CHST11: variants seen among roughly 807,000 people sequenced by gnomAD.
CHST11 encodes C4S-1.
A neutral mutation model predicts 30.4 loss-of-function variants in CHST11; 9 were observed. That is an observed-to-expected ratio of 0.30 (90% CI 0.18 to 0.52). CHST11 has a LOEUF of 0.52. Among genes scored for constraint, CHST11 ranks in the 20% least tolerant of loss-of-function variants. The pLI is 0.97. For missense variants in CHST11, 348 were observed against 460.6 expected, an observed-to-expected ratio of 0.76 and a Z score of 2.24; for synonymous variants, 152 against 187.8, an observed-to-expected ratio of 0.81 and a Z score of 1.56.
intron 2 of CHST11, among the ~76,000 whole-genome samples, chr12:104,697,203 T>C (rs1460698262): frequency 1.3e-5 from 2 of 152,236 alleles, no homozygotes; most frequent in Non-Finnish European, 2.9e-5. Flanking sequence ...CTGCTTCGTG[T>C]TGACATATTG....
chr12:104,742,722 C>T (rs898193775), intron 2 of CHST11, among the ~76,000 whole-genome samples: 5 of 152,180 alleles, frequency 3.3e-5, no homozygotes, highest in Admixed American at 6.5e-5. Flanking sequence ...AAGGGAGCCC[C>T]GGGGGTACCA....
chr12:104,457,435 G>C lies in CHST11; in HGVS notation c.24G>C (p.Val8=), dbSNP rs1479673745. 1 of 1,613,962 alleles carries C rather than the reference G, an allele frequency of 6.2e-7. No homozygotes were observed. Among genetic ancestry groups the C allele is most frequent in the Non-Finnish European group, 8.5e-7 (1 of 1,179,910 alleles). The change falls in exon 1 of 3, where the codon GTG becomes GTC. Residue 8 remains valine (V), a synonymous_variant. Coordinates refer to ENST00000303694, the MANE Select transcript of CHST11 (RefSeq NM_018413.6). ...CCATGAAGCCAGCGCTGCTGGAAGTGATGAGGATGAACAGAATCTGCCGGA... is the reference window on the plus strand; with the variant it reads ...CCATGAAGCCAGCGCTGCTGGAAGTCATGAGGATGAACAGAATCTGCCGGA... MKPALLE[V]MRMNRICRMV...
At chr12:104,474,252 A>G (rs1363842988) in intron 1 of CHST11, among the ~76,000 whole-genome samples, 1 of 152,188 alleles carries the variant, frequency 6.6e-6, no homozygotes, top group African/African-American at 2.4e-5. Flanking sequence ...TTTCTGTATA[A>G]TTTTGCTATT....
chr12:104,548,421 A>G (rs745674982), intron 1 of CHST11, among the ~76,000 whole-genome samples: 1 of 152,176 alleles, frequency 6.6e-6, no homozygotes, highest in Non-Finnish European at 1.5e-5. Flanking sequence ...AGTGTTGGGA[A>G]GAGATGGTCA....
At chr12:104,573,534 A>G (rs910814683) in intron 1 of CHST11, among the ~76,000 whole-genome samples, 13 of 152,184 alleles carry the variant, frequency 8.5e-5, no homozygotes, top group Admixed American at 2.0e-4. Context: ...GGAACAGAAC[A>G]GAGCCCTCAG....
intron 1 of CHST11, among the ~76,000 whole-genome samples, chr12:104,508,211 C>T (rs2037926024): frequency 6.6e-6 from 1 of 151,590 alleles, no homozygotes; most frequent in Non-Finnish European, 1.5e-5. Context: ...TACCCCTTGG[C>T]TTACCCATCT....
chr12:104,465,427 T>C (rs2037447835), intron 1 of CHST11, among the ~76,000 whole-genome samples: 1 of 152,196 alleles, frequency 6.6e-6, no homozygotes, highest in African/African-American at 2.4e-5. Flanking sequence ...GAAATAGACA[T>C]AAACATTGCC....
At chr12:104,492,909 T>C (rs544740099) in intron 1 of CHST11, among the ~76,000 whole-genome samples, 1 of 152,222 alleles carries the variant, frequency 6.6e-6, no homozygotes, top group Non-Finnish European at 1.5e-5. Flanking sequence ...GGTGTCCACC[T>C]GTAATCCTAG....
chr12:104,752,526 TTATTTATTTATG>T (rs996728237), intron 2 of CHST11, among the ~76,000 whole-genome samples: 2 of 150,316 alleles, frequency 1.3e-5, no homozygotes, highest in Admixed American at 6.6e-5. Context: ...ATTTATTTAT[TTATTTATTTATG>T]TATTTTTGAG....
Position 104,622,076 on chromosome 12 carries a change from C to T in CHST11, c.204+20085C>T, listed in dbSNP as rs989432823. 2.6e-5 allele frequency among the ~76,000 whole-genome samples: 4 copies of T among 152,244 alleles called. No individual in the cohort carries two copies. In the East Asian group the frequency reaches 7.7e-4, roughly 29 times the overall value. ...GCAACCCCGGTGACCCCCACAGGCA[C>T]ATCATGGCTTACATACCGGCAGGGA... On this transcript the variant is annotated intron_variant, in intron 2 of 2. Transcript: ENST00000303694.
At chr12:104,521,208 ATTC>A (rs943469900) in intron 1 of CHST11, among the ~76,000 whole-genome samples, 10 of 152,268 alleles carry the variant, frequency 6.6e-5, no homozygotes, top group African/African-American at 2.4e-4. Flanking sequence ...TAAGGTGAAC[ATTC>A]TTCTTCTCTG....
chr12:104,624,798 C>A (rs1022917514), intron 2 of CHST11, among the ~76,000 whole-genome samples: 29 of 152,200 alleles, frequency 1.9e-4, no homozygotes, highest in Non-Finnish European at 4.1e-4. Context: ...GTCTTGGAGG[C>A]TGGAAACCCA....
In CHST11 at chr12:104,590,552, G is replaced by C. The variant is rs539673735; in HGVS notation, c.119-11354G>C. Among the ~76,000 whole-genome samples the C allele has an allele frequency of 1.1e-4, 17 of 152,230 alleles. No individual in the cohort carries two copies. The South Asian group carries it at 3.3e-3, about 30-fold the overall frequency. On this transcript the variant is annotated intron_variant, in intron 1 of 2. Transcript: ENST00000303694. Reference sequence around the variant, plus strand: ...AAGTCCTTTTGCTCATGAAACTTAGGGTCTCGTGGTGGCAACAGACAACAG... The same window carrying C: ...AAGTCCTTTTGCTCATGAAACTTAGCGTCTCGTGGTGGCAACAGACAACAG...
chr12:104,576,785 A>C (rs1042004697), intron 1 of CHST11, among the ~76,000 whole-genome samples: 2 of 152,114 alleles, frequency 1.3e-5, no homozygotes, highest in African/African-American at 4.8e-5. Context: ...GGCCTATTGA[A>C]TCCGGATCTG....
intron 2 of CHST11, among the ~76,000 whole-genome samples, chr12:104,689,814 C>T (rs1443988065): frequency 6.6e-6 from 1 of 152,258 alleles, no homozygotes; most frequent in East Asian, 1.9e-4. Context: ...CTTCCCCCTC[C>T]CAATACTGTC....
rs1357999607 is a variant in CHST11, at chr12:104,457,288, C to T, written c.-124C>T. ...GCGGCCGCGAAGCGACTCCGATCCTCCCTCTGAGCCTTGCTCAGCTCTGCC... is the reference window on the plus strand; with the variant it reads ...GCGGCCGCGAAGCGACTCCGATCCTTCCTCTGAGCCTTGCTCAGCTCTGCC... On this transcript the variant is annotated 5_prime_UTR_variant, in exon 1 of 3. Coordinates refer to ENST00000303694, the MANE Select transcript of CHST11 (RefSeq NM_018413.6). The T allele has an allele frequency of 7.8e-6, 5 of 639,332 alleles. No homozygotes were observed. Among genetic ancestry groups the T allele is most frequent in the African/African-American group, 5.5e-5 (3 of 54,204 alleles). 39.6% of individuals were successfully genotyped at this position (639,332 alleles called of 1,614,324 possible). A position where few individuals can be genotyped will look rare whatever the true frequency, so the allele number is the denominator to read the frequency against.
At chr12:104,613,539 G>A (rs545103892) in intron 2 of CHST11, among the ~76,000 whole-genome samples, 6 of 152,170 alleles carry the variant, frequency 3.9e-5, no homozygotes, top group East Asian at 3.9e-4. Context: ...GAGTTCTCAT[G>A]GGAATTGGTT....
chr12:104,558,804 G>A (rs1030752205), intron 1 of CHST11, among the ~76,000 whole-genome samples: 3 of 152,102 alleles, frequency 2.0e-5, no homozygotes, highest in African/African-American at 7.2e-5. Context: ...CTCCCAAGGT[G>A]CTGGGATTAC....
chr12:104,620,994 T>C (rs187335098), intron 2 of CHST11, among the ~76,000 whole-genome samples: 1 of 152,352 alleles, frequency 6.6e-6, no homozygotes, highest in Admixed American at 6.5e-5. Context: ...TGCTGCCATT[T>C]GTTATCTAAT....
Sources: allele counts gnomAD v4.1 joint callset (sites outside exome capture counted in the v4.1 genomes callset), GRCh38; gene constraint gnomAD v4.1.1; transcripts MANE v1.5; gene names NCBI Gene and HGNC (gene_info 2026-07-23, HGNC 2026-07-21).